The following CES5A variants were observed in gnomAD, a reference collection of about 807,000 sequenced individuals.
CES5A encodes the protein carboxylesterase 5.
A neutral mutation model predicts 62.9 loss-of-function variants in CES5A; 67 were observed. That is an observed-to-expected ratio of 1.07 (90% confidence interval 0.88 to 1.31). CES5A has a LOEUF of 1.31. CES5A is among the 50% of genes most tolerant of loss of function. The pLI is 0.00. For synonymous variants in CES5A, 296 were observed against 280.8 expected, an observed-to-expected ratio of 1.05 and a Z score of -0.54; for missense variants, 748 against 708.5, an observed-to-expected ratio of 1.06 and a Z score of -0.63.
intron 1 of CES5A, among the ~76,000 whole-genome samples, chr16:55,874,693 T>C (rs1209750227): frequency 1.3e-5 from 2 of 152,142 alleles, no homozygotes; most frequent in Admixed American, 6.5e-5. Context: ...AGATGGCACT[T>C]TGGGAGACTG....
chr16:55,889,374 G>A (rs1367456514), intron 1 of CES5A, among the ~76,000 whole-genome samples: 1 of 152,212 alleles, frequency 6.6e-6, no homozygotes, highest in African/African-American at 2.4e-5. Flanking sequence ...GTTGCAAGTA[G>A]TAGGTTGTGA....
At chr16:55,954,255 G>T (rs140226418) in intron 1 of CES5A, among the ~76,000 whole-genome samples, 1 of 152,310 alleles carries the variant, frequency 6.6e-6, no homozygotes, top group East Asian at 1.9e-4. Context: ...AATGTGCCAG[G>T]CTTTGCAGGT....
rs138157838 is a variant in CES5A, at chr16:55,950,308, A to T, written c.43-406T>A. ...GACTAAATTGGACATGAAGAACTAA[A>T]TTTAACAAACTGAAGAACTACATCC... On this transcript the variant is annotated intron_variant, in intron 1 of 13. Transcript: ENST00000521992. 3.5e-3 allele frequency among the ~76,000 whole-genome samples: 535 copies of T among 152,366 alleles called. 5 individuals carry two copies. The highest frequency in any genetic ancestry group is 0.012 in the African/African-American group (505 of 41,586).
intron 2 of CES5A, among the ~76,000 whole-genome samples, chr16:55,947,889 G>A (rs546602037): frequency 6.6e-6 from 1 of 150,754 alleles, no homozygotes; most frequent in African/African-American, 2.4e-5. Context: ...GCCATGGAAG[G>A]GCTGGGAGTT....
chr16:55,856,554 C>T, intron 8 of CES5A, 109 bp from the exon 9 acceptor site: 2 of 934,978 alleles, frequency 2.1e-6, no homozygotes, highest in Non-Finnish European at 3.4e-6. Context: ...GATAAGGAGC[C>T]CTCAAGCCCA....
At chr16:55,949,145 G>A (rs1567367037) in intron 2 of CES5A, among the ~76,000 whole-genome samples, 1 of 152,206 alleles carries the variant, frequency 6.6e-6, no homozygotes, top group Non-Finnish European at 1.5e-5. Context: ...GGATCCACAG[G>A]AAGCAGACCC....
intron 2 of CES5A, among the ~76,000 whole-genome samples, chr16:55,938,803 C>CATAT (rs201728343): frequency 1.1e-5 from 1 of 86,966 alleles, no homozygotes; most frequent in African/African-American, 5.3e-5. Context: ...TATATACACA[C>CATAT]ATATATATAT....
At chr16:55,940,431 T>C (rs2034433813) in intron 2 of CES5A, among the ~76,000 whole-genome samples, 1 of 151,962 alleles carries the variant, frequency 6.6e-6, no homozygotes, top group African/African-American at 2.4e-5. Context: ...AAAACTTAGA[T>C]AAAATTGAAC....
chr16:55,876,551 C>T (rs571971860), upstream of CES5A, among the ~76,000 whole-genome samples: 6 of 152,154 alleles, frequency 3.9e-5, no homozygotes, highest in African/African-American at 1.4e-4. Context: ...CCTGACTCCC[C>T]CTCTTAGACA....
intron 1 of CES5A, among the ~76,000 whole-genome samples, chr16:55,923,176 G>T (rs1313470109): frequency 1.3e-5 from 2 of 151,316 alleles, no homozygotes; most frequent in African/African-American, 2.4e-5. Context: ...AAATAATAAA[G>T]ATCAGAGCAG....
upstream of CES5A, chr16:55,925,608 A>AACC (rs2034250989): frequency 1.3e-5 from 2 of 152,168 alleles, no homozygotes; most frequent in Admixed American, 6.5e-5. Flanking sequence ...ATATGGAATC[A>AACC]ACCTAACTGC....
rs1261068963 is a variant in CES5A, at chr16:55,874,056, G to A, written c.74-19C>T. ...GAAGGCCCTGCGGGAACACATGGGA[G>A]GAATCAGGAGCAGGCTGGGGACAGG... is the stretch of plus-strand genomic sequence containing the variant. On this transcript the variant is annotated intron_variant, in intron 1 of 12. Transcript: ENST00000290567. 3 of 1,579,186 alleles carry A rather than the reference G, an allele frequency of 1.9e-6. No homozygotes were observed. Among genetic ancestry groups the A allele is most frequent in the Admixed American group, 1.8e-5 (1 of 54,532 alleles).
chr16:55,937,962 A>C (rs2034394605), intron 2 of CES5A, among the ~76,000 whole-genome samples: 1 of 152,086 alleles, frequency 6.6e-6, no homozygotes, highest in African/African-American at 2.4e-5. Context: ...ATTTTAGCAA[A>C]ATTTGCCAAA....
At position 55,849,850 on chromosome 16, in the gene CES5A, G is replaced by T. The variant is rs539434415; in HGVS notation, c.1274-77C>A. 2.6e-3 allele frequency: 3,853 copies of T among 1,480,418 alleles called. 36 individuals are homozygous for T. The highest frequency in any genetic ancestry group is 0.016 in the South Asian group (1,344 of 82,072). The allele number at this position is 1,480,418 out of a possible 1,614,324, so 91.7% of individuals were successfully genotyped here. ...CTGGCTCTGTGTCCCCACCTATCAA[G>T]TCTTGGATGTATAGACCCAGGGGTG... On this transcript the variant is annotated intron_variant, in intron 10 of 12. Transcript: ENST00000290567.
At chr16:55,945,147 A>T (rs1310596939) in intron 2 of CES5A, among the ~76,000 whole-genome samples, 1 of 151,972 alleles carries the variant, frequency 6.6e-6, no homozygotes, top group Non-Finnish European at 1.5e-5. Context: ...AGCAATAATC[A>T]TTTATTGAGC....
chr16:55,871,531 G>A (rs1280126653), intron 3 of CES5A, 94 bp downstream of exon 3: 2 of 1,405,586 alleles, frequency 1.4e-6, no homozygotes, highest in Admixed American at 1.9e-5. Context: ...CCCAACAGGG[G>A]GTAGTTCCAA....
intron 4 of CES5A, among the ~76,000 whole-genome samples, chr16:55,868,976 G>T (rs1402492465): frequency 6.6e-6 from 1 of 152,220 alleles, no homozygotes; most frequent in African/African-American, 2.4e-5. Context: ...TTCAGTGAAA[G>T]CCCAGTACAT....
At chr16:55,904,003 A>G (rs1256120543) in intron 1 of CES5A, among the ~76,000 whole-genome samples, 2 of 152,214 alleles carry the variant, frequency 1.3e-5, no homozygotes, top group African/African-American at 4.8e-5. Flanking sequence ...TAAAGCAAAG[A>G]CTAACAGAAA....
chr16:55,876,422 G>C (rs537117466), upstream of CES5A, among the ~76,000 whole-genome samples: 23 of 152,324 alleles, frequency 1.5e-4, no homozygotes, highest in Admixed American at 7.2e-4. Flanking sequence ...CGAAAGGGTG[G>C]TGTATGGTGG....
Sources: allele counts gnomAD v4.1 joint callset (sites outside exome capture counted in the v4.1 genomes callset), GRCh38; gene constraint gnomAD v4.1.1; transcripts MANE v1.5; gene names NCBI Gene and HGNC (gene_info 2026-07-23, HGNC 2026-07-21).